ZNF44: variants seen among roughly 807,000 people sequenced by gnomAD.
The protein encoded by ZNF44 is gonadotropin inducible transcription repressor-2.
A neutral mutation model predicts 11.7 loss-of-function variants in ZNF44; 9 were observed. That is an observed-to-expected ratio of 0.77 (90% CI 0.46 to 1.35). The LOEUF (loss-of-function observed/expected upper bound fraction) is 1.35, where lower values mean the gene tolerates loss of function less well. Among genes scored for constraint, ZNF44 ranks in the 40% most tolerant of loss-of-function variants. The pLI is 0.00. For synonymous variants in ZNF44, 224 were observed against 242.7 expected, an observed-to-expected ratio of 0.92 and a Z score of 0.72; for missense variants, 696 against 743.1, an observed-to-expected ratio of 0.94 and a Z score of 0.74.
intron 5 of ZNF44, chr19:12,250,507 C>T: frequency 1.4e-6 from 1 of 722,500 alleles, no homozygotes; most frequent in South Asian, 1.9e-5. Context: ...AGAACTCTAA[C>T]TCTTTGGCCA....
chr19:12,254,365 T>C (rs1026808694), intron 5 of ZNF44, among the ~76,000 whole-genome samples: 1 of 152,128 alleles, frequency 6.6e-6, no homozygotes, highest in African/African-American at 2.4e-5. Context: ...TAAAAACTAG[T>C]TTTTTCCTTT....
Position 12,274,498 on chromosome 19 carries a change from C to G in ZNF44, c.192-435G>C, listed in dbSNP as rs182963276. ...CCATGTTGGCCAGGTTGGTCTCGATCTCCTGACCTCGTGGATCCACCCACC... is the reference window on the plus strand; with the variant it reads ...CCATGTTGGCCAGGTTGGTCTCGATGTCCTGACCTCGTGGATCCACCCACC... On this transcript the variant is annotated intron_variant, in intron 3 of 3. Coordinates refer to ENST00000355684, the MANE Select transcript of ZNF44 (RefSeq NM_016264.4). 2.1e-4 allele frequency among the ~76,000 whole-genome samples: 32 copies of G among 151,808 alleles called. No homozygotes were observed. The East Asian group carries it at 5.1e-3, about 24-fold the overall frequency.
rs901086303 is a variant in ZNF44 at position 12,273,139 on chromosome 19, T to C, written c.1116A>G (p.Lys372=). 24 of 1,613,754 alleles carry C rather than the reference T, an allele frequency of 1.5e-5. No individual in the cohort carries two copies. The highest frequency in any genetic ancestry group is 1.9e-5 in the Non-Finnish European group (23 of 1,179,760). ...EKPYECKQCG[K]LLSHRSSFRR... Reference sequence around the variant, plus strand: ...GAAAGCTTGAGCGATGAGATAACAATTTCCCACATTGCTTACATTCATAGG... The same window carrying C: ...GAAAGCTTGAGCGATGAGATAACAACTTCCCACATTGCTTACATTCATAGG... The change falls in exon 4 of 4, where the codon AAA becomes AAG. Residue 372 remains lysine (K), a synonymous_variant. Coordinates refer to ENST00000355684, the MANE Select transcript of ZNF44 (RefSeq NM_016264.4).
intron 5 of ZNF44, chr19:12,250,777 A>G (rs1372953935): frequency 1.1e-5 from 5 of 456,222 alleles, no homozygotes; most frequent in African/African-American, 8.0e-5. Flanking sequence ...ACACTGAAGA[A>G]CTAGAAGCTT....
chr19:12,291,954 T>C (rs1443760759), intron 1 of ZNF44, among the ~76,000 whole-genome samples: 1 of 142,290 alleles, frequency 7.0e-6, no homozygotes, highest in African/African-American at 2.6e-5. Flanking sequence ...ATAGTACCAT[T>C]GCACTCCAGC....
chr19:12,281,784 C>A (rs1401410086), intron 1 of ZNF44, among the ~76,000 whole-genome samples: 1 of 152,102 alleles, frequency 6.6e-6, no homozygotes, highest in Non-Finnish European at 1.5e-5. Flanking sequence ...TAAAATTACA[C>A]AGAATGGACC....
rs1438594875 is a variant in ZNF44, at chr19:12,273,138, A to T, written c.1117T>A (p.Leu373Met). ...CGAAAGCTTGAGCGATGAGATAACA[A>T]TTTCCCACATTGCTTACATTCATAG... Reference protein sequence around the residue: ...KPYECKQCGKLLSHRSSFRRH... With the variant: ...KPYECKQCGKMLSHRSSFRRH... Residue 373 changes from leucine (L) to methionine (M), a missense_variant, in exon 4 of 4, where the codon TTG becomes ATG. Transcript: ENST00000355684. 20 of 1,613,396 alleles carry T rather than the reference A, an allele frequency of 1.2e-5. No homozygotes were observed. The South Asian group carries it at 2.0e-4, about 16-fold the overall frequency.
At chr19:12,264,186 C>G (rs1290589819) in intron 5 of ZNF44, among the ~76,000 whole-genome samples, 1 of 152,196 alleles carries the variant, frequency 6.6e-6, no homozygotes, top group East Asian at 1.9e-4. Flanking sequence ...CCCTCCCCAC[C>G]ACGTACATGT....
chr19:12,263,667 T>C (rs1286178770), intron 5 of ZNF44, among the ~76,000 whole-genome samples: 1 of 151,976 alleles, frequency 6.6e-6, no homozygotes, highest in Non-Finnish European at 1.5e-5. Context: ...GGCTCACGCC[T>C]GTAATCCCAG....
At chr19:12,264,011 T>G (rs1917629469) in intron 5 of ZNF44, among the ~76,000 whole-genome samples, 1 of 151,800 alleles carries the variant, frequency 6.6e-6, no homozygotes, top group South Asian at 2.1e-4. Flanking sequence ...GAGGATCACT[T>G]GAGCCCAGGA....
At chr19:12,250,063 T>G (rs1916929321) in intron 6 of ZNF44, 2 of 1,267,940 alleles carry the variant, frequency 1.6e-6, no homozygotes, top group African/African-American at 1.5e-5. Context: ...CAGAAAAAAT[T>G]ATCATAAATT....
At chr19:12,227,550 G>A (rs1915970782) in intron 3 of ZNF44, among the ~76,000 whole-genome samples, 1 of 152,200 alleles carries the variant, frequency 6.6e-6, no homozygotes, top group South Asian at 2.1e-4. Context: ...AGGTTGCAGT[G>A]AGCCAAGATC....
chr19:12,272,589 C>T lies in ZNF44; in HGVS notation c.1666G>A (p.Gly556Arg), dbSNP rs1239028125. ...TGTTTACATTCATAGGGTCTTTCTCCAGTGTGAGTCCTTTCATGTCTTAGA... is the reference window on the plus strand; with the variant it reads ...TGTTTACATTCATAGGGTCTTTCTCTAGTGTGAGTCCTTTCATGTCTTAGA... ...FLLRHERTHT[G>R]ERPYECKHCG... The change falls in exon 4 of 4, where the codon GGA (glycine) becomes AGA (arginine). Residue 556 changes from glycine to arginine, a missense_variant. By Grantham distance (125) the Gly-to-Arg change is moderately radical. Coordinates refer to ENST00000355684, the MANE Select transcript of ZNF44 (RefSeq NM_016264.4). 6.2e-7 allele frequency: 1 copy of T among 1,612,966 alleles called. No individual in the cohort carries two copies. Among genetic ancestry groups the T allele is most frequent in the Admixed American group, 1.7e-5 (1 of 59,798 alleles).
At chr19:12,270,457 T>G (rs1182265899), downstream of ZNF44, among the ~76,000 whole-genome samples, 2 of 151,906 alleles carry the variant, frequency 1.3e-5, no homozygotes, top group Non-Finnish European at 2.9e-5. Flanking sequence ...TTCAACTTTT[T>G]TTTTTTCTTC....
At chr19:12,259,159 G>C (rs953543891) in intron 5 of ZNF44, among the ~76,000 whole-genome samples, 2 of 152,170 alleles carry the variant, frequency 1.3e-5, no homozygotes, top group African/African-American at 4.8e-5. Flanking sequence ...ACAGGCATGA[G>C]CCACCGCACC....
intron 3 of ZNF44, among the ~76,000 whole-genome samples, chr19:12,227,419 T>C (rs1915965906): frequency 1.3e-5 from 2 of 152,166 alleles, no homozygotes; most frequent in Non-Finnish European, 1.5e-5. Context: ...CTCACCAACA[T>C]GGTGAAACTT....
At chr19:12,245,192 T>G (rs1354805801), downstream of ZNF44, among the ~76,000 whole-genome samples, 1 of 152,240 alleles carries the variant, frequency 6.6e-6, no homozygotes, top group East Asian at 1.9e-4. Flanking sequence ...ATGGTAATAC[T>G]GACTCATTAT....
chr19:12,257,957 C>T (rs904609331), intron 5 of ZNF44, among the ~76,000 whole-genome samples: 2 of 151,320 alleles, frequency 1.3e-5, no homozygotes, highest in African/African-American at 2.4e-5. Context: ...GGCGATAGAG[C>T]GAAACTCTAT....
At chr19:12,264,311 C>G (rs1333590982) in intron 5 of ZNF44, among the ~76,000 whole-genome samples, 1 of 152,122 alleles carries the variant, frequency 6.6e-6, no homozygotes, top group Non-Finnish European at 1.5e-5. Context: ...CGTAGGACAC[C>G]TGCAGGGGAA....
Sources: allele counts gnomAD v4.1 joint callset (sites outside exome capture counted in the v4.1 genomes callset), GRCh38; gene constraint gnomAD v4.1.1; transcripts MANE v1.5; gene names NCBI Gene and HGNC (gene_info 2026-07-23, HGNC 2026-07-21).